Variants in GLI3 observed in about 807,000 individuals in gnomAD.
The protein encoded by GLI3 is GLI family zinc finger 3, also known as transcription activator GLI3.
GLI3 carries 20 observed loss-of-function variants against 100.8 expected under a neutral mutation model. The ratio of observed to expected loss-of-function variants is 0.20; its 90% CI spans 0.14 to 0.29. The LOEUF is 0.29. GLI3 is among the 10% of genes least tolerant of loss of function. The pLI, the probability that GLI3 is intolerant of heterozygous loss-of-function variation, is 1.00. For missense variants in GLI3, 2,040 were observed against 2,128.5 expected (o/e 0.96, Z 0.82); for synonymous variants, 938 against 860.5 (o/e 1.09, Z -1.58).
At chr7:42,021,389 C>G (rs942564563) in intron 10 of GLI3, among the ~76,000 whole-genome samples, 1 of 152,132 alleles carries the variant, frequency 6.6e-6, no homozygotes, top group African/African-American at 2.4e-5. Flanking sequence ...TTCGATAAAA[C>G]AGACAATATG....
chr7:42,221,892 A>G (rs1163210305), intron 2 of GLI3, among the ~76,000 whole-genome samples: 1 of 152,242 alleles, frequency 6.6e-6, no homozygotes, highest in Admixed American at 6.5e-5. Context: ...ATTTTCACAT[A>G]TATGTAAATT....
At chr7:41,971,281 T>C (rs774254600) in intron 13 of GLI3, among the ~76,000 whole-genome samples, 3 of 152,254 alleles carry the variant, frequency 2.0e-5, no homozygotes, top group African/African-American at 4.8e-5. Context: ...GTTTGCCTGA[T>C]TGTTTCCGTG....
At chr7:42,153,765 T>C (rs1032458594) in intron 2 of GLI3, among the ~76,000 whole-genome samples, 1 of 152,198 alleles carries the variant, frequency 6.6e-6, no homozygotes, top group East Asian at 1.9e-4. Flanking sequence ...TCCATAAATA[T>C]GTTGTTGACT....
intron 3 of GLI3, chr7:42,145,291 T>C (rs576250647): frequency 9.3e-6 from 3 of 322,060 alleles, no homozygotes; most frequent in East Asian, 9.8e-5. Flanking sequence ...TGTCTTTAAA[T>C]ATTCAATATG....
At chr7:42,056,580 C>T (rs1784465677) in intron 4 of GLI3, among the ~76,000 whole-genome samples, 1 of 152,024 alleles carries the variant, frequency 6.6e-6, no homozygotes, top group African/African-American at 2.4e-5. Flanking sequence ...AAGGCTAAGG[C>T]TGATTTTTTT....
intron 4 of GLI3, among the ~76,000 whole-genome samples, chr7:42,055,683 C>G (rs1784445564): frequency 6.6e-6 from 1 of 152,188 alleles, no homozygotes; most frequent in East Asian, 1.9e-4. Context: ...CCCCAGGCCC[C>G]TAGTTGATAA....
intron 10 of GLI3, among the ~76,000 whole-genome samples, chr7:42,016,726 A>C (rs1788775842): frequency 6.6e-6 from 1 of 151,880 alleles, no homozygotes; most frequent in Non-Finnish European, 1.5e-5. Context: ...CATCATCATC[A>C]CCACCATCAT....
At chr7:42,114,553 G>A (rs1254029119) in intron 3 of GLI3, among the ~76,000 whole-genome samples, 1 of 152,198 alleles carries the variant, frequency 6.6e-6, no homozygotes, top group African/African-American at 2.4e-5. Flanking sequence ...TTCAGTCACT[G>A]CTAAGTGACA....
intron 6 of GLI3, among the ~76,000 whole-genome samples, chr7:42,044,155 A>G (rs1295415179): frequency 6.6e-6 from 1 of 152,240 alleles, no homozygotes; most frequent in Non-Finnish European, 1.5e-5. Context: ...TCAGGACTAA[A>G]TAACTAGAGG....
chr7:42,096,080 G>A (rs112618685), intron 3 of GLI3, among the ~76,000 whole-genome samples: 1 of 152,160 alleles, frequency 6.6e-6, no homozygotes, highest in Non-Finnish European at 1.5e-5. Flanking sequence ...GCACTGCAGG[G>A]AGCTGACGGG....
At chr7:42,060,174 A>T (rs1190416916) in intron 4 of GLI3, among the ~76,000 whole-genome samples, 1 of 152,192 alleles carries the variant, frequency 6.6e-6, no homozygotes, top group Non-Finnish European at 1.5e-5. Flanking sequence ...TTCTCAGTAA[A>T]TGTTGGCCCC....
chr7:41,984,332 C>T (rs1022234533), intron 10 of GLI3, among the ~76,000 whole-genome samples: 8 of 152,140 alleles, frequency 5.3e-5, no homozygotes, highest in African/African-American at 1.4e-4. Flanking sequence ...GTCCATGGCT[C>T]GCAGCTCTCC....
At chr7:42,115,133 C>CTTTTTTTT (rs56200386) in intron 3 of GLI3, among the ~76,000 whole-genome samples, 4 of 99,644 alleles carry the variant, frequency 4.0e-5, no homozygotes, top group Non-Finnish European at 3.9e-5. Flanking sequence ...AATTTTCCTA[C>CTTTTTTTT]TTTTTTTTTT....
intron 10 of GLI3, among the ~76,000 whole-genome samples, chr7:42,000,906 G>A (rs1788269842): frequency 6.6e-6 from 1 of 152,020 alleles, no homozygotes; most frequent in East Asian, 1.9e-4. Context: ...TGAACTTCAC[G>A]TATAAGACCT....
intron 2 of GLI3, among the ~76,000 whole-genome samples, chr7:42,219,054 G>C (rs1788432319): frequency 1.3e-5 from 2 of 152,168 alleles, no homozygotes; most frequent in Non-Finnish European, 2.9e-5. Context: ...ACAACATGTA[G>C]CTTATGAAGT....
chr7:42,151,948 A>G (rs977161328), intron 2 of GLI3: 8 of 152,202 alleles, frequency 5.3e-5, no homozygotes, highest in African/African-American at 1.9e-4. Flanking sequence ...GGACGTTTGC[A>G]ATAAAAGTCT....
intron 3 of GLI3, among the ~76,000 whole-genome samples, chr7:42,138,063 A>G (rs1175300072): frequency 6.6e-6 from 1 of 152,178 alleles, no homozygotes; most frequent in Non-Finnish European, 1.5e-5. Flanking sequence ...TCTGGCTGGT[A>G]TGTCAGCTTT....
chr7:42,083,439 T>C (rs972162592), intron 3 of GLI3, among the ~76,000 whole-genome samples: 6 of 152,366 alleles, frequency 3.9e-5, no homozygotes, highest in Admixed American at 2.6e-4. Flanking sequence ...CATTCATCTG[T>C]TGATGGACAC....
intron 2 of GLI3, among the ~76,000 whole-genome samples, chr7:42,187,226 A>G (rs1347621252): frequency 6.7e-6 from 1 of 149,682 alleles, no homozygotes; most frequent in African/African-American, 2.5e-5. Flanking sequence ...AAAAAAAAAA[A>G]CATGAAGAAG....
Sources: allele counts gnomAD v4.1 joint callset (sites outside exome capture counted in the v4.1 genomes callset), GRCh38; gene constraint gnomAD v4.1.1; transcripts MANE v1.5; gene names NCBI Gene and HGNC (gene_info 2026-07-23, HGNC 2026-07-21).